The following UBR1 variants were observed in gnomAD, a reference collection of about 807,000 sequenced individuals.
UBR1 encodes the protein E3 ubiquitin-protein ligase UBR1.
Under a neutral mutation model 242.1 loss-of-function variants are expected in UBR1, and 102 were observed. The observed-to-expected ratio is 0.42, with a 90% CI of 0.36 to 0.50. The LOEUF (loss-of-function observed/expected upper bound fraction) is 0.50. Ranked by LOEUF, UBR1 falls within the 20% of genes least tolerant of loss-of-function variation. UBR1 has a pLI of 0.01. For synonymous variants in UBR1, 675 were observed against 684.8 expected, an observed-to-expected ratio of 0.99 and a Z score of 0.22; for missense variants, 1,772 against 2,101.8, an observed-to-expected ratio of 0.84 and a Z score of 3.07.
intron 3 of UBR1, among the ~76,000 whole-genome samples, chr15:43,075,561 G>A (rs775204677): frequency 5.9e-5 from 9 of 151,852 alleles, no homozygotes; most frequent in Non-Finnish European, 1.3e-4. Flanking sequence ...CTAGCATTAG[G>A]TATATCTCCC....
chr15:43,017,221 C>T lies in UBR1; in HGVS notation c.2941-40G>A, dbSNP rs540191927. ...TGAAACGTTAAAAGAGTTAGTTAGACTGTTAGACCGACCAGGAACAGAAAC... is the reference window on the plus strand; with the variant it reads ...TGAAACGTTAAAAGAGTTAGTTAGATTGTTAGACCGACCAGGAACAGAAAC... On this transcript the variant is annotated intron_variant, in intron 27 of 46. Coordinates refer to ENST00000290650, the MANE Select transcript of UBR1 (RefSeq NM_174916.3). 8 of 1,404,428 alleles carry T rather than the reference C, an allele frequency of 5.7e-6. No individual in the cohort carries two copies. In the Admixed American group the frequency reaches 1.2e-4, roughly 21 times the overall value. The allele number at this position is 1,404,428 out of a possible 1,614,324, so 87.0% of individuals were successfully genotyped here.
Position 43,021,361 on chromosome 15 carries a change from C to T in UBR1, c.2854G>A (p.Ala952Thr), listed in dbSNP as rs1292376078. 6.2e-7 allele frequency: 1 copy of T among 1,613,596 alleles called. No homozygotes were observed. The highest frequency in any genetic ancestry group is 8.5e-7 in the Non-Finnish European group (1 of 1,179,700). ...TCCAAAAGCATTTGTATATTCATGG[C>T]TGAACTTCCCAATCCTTTTTTAAAA... ...YHKASRLGSS[A>T]MNIQMLLEKL... The change falls in exon 27 of 47, where the codon GCC becomes ACC. Residue 952 changes from alanine (A) to threonine (T), a missense_variant. Physicochemically the swap from Ala to Thr is moderately conservative, Grantham distance 58. Coordinates refer to ENST00000290650, the MANE Select transcript of UBR1 (RefSeq NM_174916.3).
In UBR1 at chr15:43,086,063, A is replaced by C; in HGVS notation, c.259T>G (p.Leu87Val). Residue 87 changes from leucine to valine, a missense_variant, in exon 2 of 47, where the codon TTA (leucine) becomes GTA (valine). Transcript: ENST00000290650. ...YLFGEDPDIC[L>V]EKLKHSGAFQ... ...GCTCCACTGTGCTTCAATTTCTCTA[A>C]GCAAATATCTGGATCTTCTCCAAAT... 2 of 1,614,174 alleles carry C rather than the reference A, an allele frequency of 1.2e-6. No individual in the cohort carries two copies. The highest frequency in any genetic ancestry group is 1.7e-6 in the Non-Finnish European group (2 of 1,180,022).
At chr15:43,059,046 T>C (rs1467882876) in intron 9 of UBR1, 39 bp downstream of exon 9, 3 of 1,536,126 alleles carry the variant, frequency 2.0e-6, no homozygotes, top group Admixed American at 1.7e-5. Flanking sequence ...TAATCTTCCT[T>C]TGCTTCCTGA....
chr15:43,100,819 C>T (rs1393877469), intron 1 of UBR1, among the ~76,000 whole-genome samples: 2 of 152,076 alleles, frequency 1.3e-5, no homozygotes, highest in Non-Finnish European at 2.9e-5. Flanking sequence ...GGCGACAGAG[C>T]GAGACTCCGT....
chr15:43,006,548 G>T (rs2032833273), intron 30 of UBR1, among the ~76,000 whole-genome samples: 1 of 152,170 alleles, frequency 6.6e-6, no homozygotes, highest in African/African-American at 2.4e-5. Context: ...GGGATTACAG[G>T]CGTGAGCCAC....
intron 33 of UBR1, among the ~76,000 whole-genome samples, chr15:42,991,685 A>G (rs1235762353): frequency 2.0e-5 from 3 of 152,042 alleles, no homozygotes; most frequent in South Asian, 4.2e-4. Context: ...TCCAGACTGA[A>G]TAATTTCCAC....
At chr15:43,069,056 A>G (rs2033790398) in intron 5 of UBR1, among the ~76,000 whole-genome samples, 1 of 152,186 alleles carries the variant, frequency 6.6e-6, no homozygotes, top group Admixed American at 6.5e-5. Flanking sequence ...TACTGGTATT[A>G]ATGTACATTT....
intron 1 of UBR1, among the ~76,000 whole-genome samples, chr15:43,090,647 C>G (rs1475468012): frequency 6.6e-6 from 1 of 151,526 alleles, no homozygotes; most frequent in African/African-American, 2.4e-5. Context: ...ATATTCAGCG[C>G]TACAAACCAA....
chr15:42,954,008 G>A (rs1056564494), intron 44 of UBR1, among the ~76,000 whole-genome samples: 9 of 150,070 alleles, frequency 6.0e-5, no homozygotes, highest in African/African-American at 2.0e-4. Context: ...TCAGCATCCC[G>A]AGTAGCTGAG....
rs1012667451 is a variant in UBR1 at position 42,993,119 on chromosome 15, C to T, written c.3758-2999G>A. 2.0e-5 allele frequency among the ~76,000 whole-genome samples: 3 copies of T among 152,148 alleles called. No individual in the cohort carries two copies. In the East Asian group the frequency reaches 5.8e-4, roughly 29 times the overall value. On this transcript the variant is annotated intron_variant, in intron 33 of 46. Coordinates refer to ENST00000290650, the MANE Select transcript of UBR1 (RefSeq NM_174916.3). ...TGATCCTCTGACCAGAAAGAGATGG[C>T]ATTTCTCATGGATTTTTGCTGTTCA...
intron 11 of UBR1, 127 bp downstream of exon 11, chr15:43,056,217 A>G (rs2033617707): frequency 9.1e-6 from 7 of 771,200 alleles, no homozygotes; most frequent in Middle Eastern, 5.9e-4. Context: ...GGGTAGCACT[A>G]AAGTATTCAC....
chr15:42,984,824 T>C (rs1005254183), intron 36 of UBR1, 63 bp downstream of exon 36: 3 of 1,426,276 alleles, frequency 2.1e-6, no homozygotes, highest in African/African-American at 1.4e-5. Flanking sequence ...TTTTTAATAA[T>C]AAACTGTGGG....
intron 34 of UBR1, 91 bp downstream of exon 34, chr15:42,989,938 TA>T: frequency 1.1e-6 from 1 of 927,158 alleles, no homozygotes; most frequent in Non-Finnish European, 1.7e-6. Context: ...ATTTTACAAA[TA>T]AAAAAGTAAG....
chr15:43,004,638 C>T (rs984270252), intron 30 of UBR1, among the ~76,000 whole-genome samples: 2 of 152,240 alleles, frequency 1.3e-5, no homozygotes, highest in African/African-American at 4.8e-5. Flanking sequence ...GCCTCAGCCT[C>T]CCGAGGTGCC....
At chr15:43,011,512 G>A (rs1375420387) in intron 29 of UBR1, among the ~76,000 whole-genome samples, 5 of 152,232 alleles carry the variant, frequency 3.3e-5, no homozygotes, top group African/African-American at 1.2e-4. Flanking sequence ...TAAAAGGTCA[G>A]TGAATAATCA....
intron 29 of UBR1, among the ~76,000 whole-genome samples, 195 bp downstream of exon 29, chr15:43,015,493 T>A (rs546764009): frequency 1.3e-3 from 198 of 151,910 alleles, no homozygotes; most frequent in Middle Eastern, 3.4e-3. Context: ...GTACCCAGGG[T>A]CACAAACACT....
intron 4 of UBR1, among the ~76,000 whole-genome samples, chr15:43,071,632 C>A (rs1183179705): frequency 2.0e-5 from 3 of 151,430 alleles, no homozygotes; most frequent in Non-Finnish European, 4.4e-5. Flanking sequence ...TATGCTTAAC[C>A]ATAAAAAAAA....
chr15:42,950,668 T>G (rs543761952), intron 45 of UBR1: 4 of 370,378 alleles, frequency 1.1e-5, no homozygotes, highest in South Asian at 5.3e-5. Context: ...TGGAAAATGG[T>G]GGCTGGGGTT....
Sources: allele counts gnomAD v4.1 joint callset (sites outside exome capture counted in the v4.1 genomes callset), GRCh38; gene constraint gnomAD v4.1.1; transcripts MANE v1.5; gene names NCBI Gene and HGNC (gene_info 2026-07-23, HGNC 2026-07-21).